Variants in DCC observed in about 807,000 individuals in gnomAD.
DCC encodes DCC netrin 1 receptor.
In DCC, 58 loss-of-function variants were observed where a neutral mutation model predicts 172.5. The ratio of observed to expected loss-of-function variants is 0.34; its 90% CI spans 0.27 to 0.42. DCC has a LOEUF of 0.42. DCC is among the 10% of genes least tolerant of loss of function. The pLI is 1.00. For missense variants in DCC, 1,740 were observed against 1,791.0 expected (o/e 0.97, Z 0.51); for synonymous variants, 709 against 644.5 (o/e 1.10, Z -1.52).
intron 1 of DCC, among the ~76,000 whole-genome samples, chr18:52,537,927 C>G (rs1013539995): frequency 6.6e-6 from 1 of 152,190 alleles, no homozygotes; most frequent in Admixed American, 6.5e-5. Context: ...TTCTGCCCTT[C>G]CCTGCAGGAT....
chr18:52,985,133 G>A (rs1410696932), intron 5 of DCC, among the ~76,000 whole-genome samples: 1 of 151,904 alleles, frequency 6.6e-6, no homozygotes, highest in African/African-American at 2.4e-5. Context: ...GTCATTTCAG[G>A]ATATTTTTCC....
chr18:52,506,751 T>C (rs976384627), intron 1 of DCC, among the ~76,000 whole-genome samples: 1 of 152,150 alleles, frequency 6.6e-6, no homozygotes, highest in African/African-American at 2.4e-5. Context: ...CCATGATTAC[T>C]GATTATTGTT....
rs35414902 is a variant in DCC at position 53,395,150 on chromosome 18, C to CAAA, written c.2689-2143_2689-2141dup. 2.7e-3 allele frequency among the ~76,000 whole-genome samples: 342 copies of CAAA among 125,126 alleles called. 3 individuals are homozygous for CAAA. Among genetic ancestry groups the CAAA allele is most frequent in the African/African-American group, 5.1e-3 (154 of 30,416 alleles). The allele number at this position is 125,126 out of a possible 152,430, so 82.1% of individuals were successfully genotyped here. ...GAGTGACAAGCACGAAACTCCATCT[C>CAAA]AAAAAAAAAAAAAAAAAGTAAGGCT... is the stretch of plus-strand genomic sequence containing the variant. On this transcript the variant is annotated intron_variant, in intron 17 of 28. Transcript: ENST00000442544.
At chr18:53,450,839 C>T (rs17416782) in intron 23 of DCC, among the ~76,000 whole-genome samples, 177 bp downstream of exon 23, 8 of 152,246 alleles carry the variant, frequency 5.3e-5, no homozygotes, top group Non-Finnish European at 1.0e-4. Context: ...GGGCTAGACT[C>T]GCAGATAAGA....
At chr18:52,649,080 G>T (rs933566729) in intron 1 of DCC, among the ~76,000 whole-genome samples, 6 of 152,092 alleles carry the variant, frequency 3.9e-5, no homozygotes. Context: ...TGTAACTAAA[G>T]ATTAACTTTA....
intron 2 of DCC, among the ~76,000 whole-genome samples, chr18:52,767,610 G>A (rs8088046): frequency 0.21 from 31,711 of 152,092 alleles, 4,708 homozygotes; most frequent in African/African-American, 0.42. Flanking sequence ...AAAACTGCAA[G>A]CAGTTACTTT....
chr18:52,540,387 A>T (rs2032404837), intron 1 of DCC, among the ~76,000 whole-genome samples: 1 of 152,078 alleles, frequency 6.6e-6, no homozygotes, highest in African/African-American at 2.4e-5. Flanking sequence ...TGATGGCATC[A>T]CTGTACTCTA....
At chr18:52,393,551 C>G (rs1479682880) in intron 1 of DCC, among the ~76,000 whole-genome samples, 3 of 152,024 alleles carry the variant, frequency 2.0e-5, no homozygotes, top group Admixed American at 1.3e-4. Flanking sequence ...ATGTGGTCAC[C>G]TAACCACCTG....
rs577236442 is a variant in DCC, at chr18:52,902,381, C to T, written c.413-3663C>T. Among the ~76,000 whole-genome samples the T allele has an allele frequency of 3.2e-4, 49 of 152,224 alleles. 1 individual carries two copies. The highest frequency in any genetic ancestry group is 1.1e-3 in the African/African-American group (47 of 41,538). ...TGAGGAAAACAGAGAGATAGGAAGA[C>T]CATTGCTGCTATCATTACAACGGAT... On this transcript the variant is annotated intron_variant, in intron 2 of 28. Transcript: ENST00000442544.
At chr18:53,101,949 A>T (rs1446129185) in intron 7 of DCC, among the ~76,000 whole-genome samples, 3 of 152,114 alleles carry the variant, frequency 2.0e-5, no homozygotes, top group Non-Finnish European at 1.5e-5. Flanking sequence ...GGAGTAGGGA[A>T]TGAAAAGGGC....
chr18:52,549,156 T>G (rs1169639967), intron 1 of DCC, among the ~76,000 whole-genome samples: 1 of 152,038 alleles, frequency 6.6e-6, no homozygotes, highest in Non-Finnish European at 1.5e-5. Flanking sequence ...GATCTAGTAT[T>G]TGAAGCTCCT....
At chr18:52,584,044 G>T (rs2033616538) in intron 1 of DCC, among the ~76,000 whole-genome samples, 1 of 152,090 alleles carries the variant, frequency 6.6e-6, no homozygotes, top group African/African-American at 2.4e-5. Context: ...TTTCATAGCT[G>T]AATTATAATA....
chr18:52,507,038 T>C (rs2031254878), intron 1 of DCC, among the ~76,000 whole-genome samples: 1 of 152,094 alleles, frequency 6.6e-6, no homozygotes, highest in Non-Finnish European at 1.5e-5. Flanking sequence ...AGATGATATA[T>C]TGCAAAATGC....
At chr18:52,524,011 A>G (rs79325309) in intron 1 of DCC, among the ~76,000 whole-genome samples, 2,661 of 152,268 alleles carry the variant, frequency 0.017, 40 homozygotes, top group Non-Finnish European at 0.028. Context: ...AGATTGTCTG[A>G]TGTTGGTGTC....
At chr18:52,416,277 A>T (rs913948782) in intron 1 of DCC, among the ~76,000 whole-genome samples, 4 of 151,952 alleles carry the variant, frequency 2.6e-5, no homozygotes, top group African/African-American at 9.7e-5. Flanking sequence ...TTTGCTGAGG[A>T]GAGCTTTACT....
chr18:53,041,943 A>G (rs1420883047), intron 5 of DCC, among the ~76,000 whole-genome samples: 7 of 152,048 alleles, frequency 4.6e-5, no homozygotes, highest in Non-Finnish European at 1.0e-4. Flanking sequence ...TAATCATGTC[A>G]TCTGCAAACA....
intron 14 of DCC, among the ~76,000 whole-genome samples, chr18:53,326,940 AC>A (rs956270039): frequency 2.7e-4 from 41 of 152,032 alleles, no homozygotes; most frequent in African/African-American, 8.7e-4. Flanking sequence ...TGTATAACTT[AC>A]CCCCCTGCTT....
At chr18:52,630,242 GTGTT>G (rs2034650241) in intron 1 of DCC, among the ~76,000 whole-genome samples, 1 of 152,178 alleles carries the variant, frequency 6.6e-6, no homozygotes, top group Non-Finnish European at 1.5e-5. Flanking sequence ...TATATAGTGA[GTGTT>G]TGGGAACTCC....
intron 5 of DCC, among the ~76,000 whole-genome samples, chr18:52,943,864 C>T (rs1282563096): frequency 6.6e-6 from 1 of 152,152 alleles, no homozygotes; most frequent in African/African-American, 2.4e-5. Flanking sequence ...ATTCTCCTGC[C>T]TCAGCCTCCT....
Sources: allele counts gnomAD v4.1 joint callset (sites outside exome capture counted in the v4.1 genomes callset), GRCh38; gene constraint gnomAD v4.1.1; transcripts MANE v1.5; gene names NCBI Gene and HGNC (gene_info 2026-07-23, HGNC 2026-07-21).